The following ALG6 variants were observed in gnomAD, a reference collection of about 807,000 sequenced individuals.
The protein encoded by ALG6 is dolichyl pyrophosphate Man9GlcNAc2 alpha-1,3-glucosyltransferase.
In ALG6, 46 loss-of-function variants were observed where a neutral mutation model predicts 66.6. That is an observed-to-expected ratio of 0.69 (90% confidence interval 0.55 to 0.88). The LOEUF (loss-of-function observed/expected upper bound fraction) is 0.88, where lower values mean the gene tolerates loss of function less well. ALG6 is among the 40% of genes least tolerant of loss of function. The pLI, the probability that ALG6 is intolerant of heterozygous loss-of-function variation, is 0.00. For synonymous variants in ALG6, 185 were observed against 203.7 expected, an observed-to-expected ratio of 0.91 and a Z score of 0.78; for missense variants, 505 against 586.8, an observed-to-expected ratio of 0.86 and a Z score of 1.44.
chr1:63,391,087 G>C (rs992789806), intron 2 of ALG6, among the ~76,000 whole-genome samples: 6 of 152,168 alleles, frequency 3.9e-5, no homozygotes, highest in African/African-American at 1.4e-4. Context: ...TGCCTCCTCT[G>C]TCATAGTTTG....
chr1:63,401,584 T>TA (rs536462989), intron 3 of ALG6, among the ~76,000 whole-genome samples: 5,462 of 135,280 alleles, frequency 0.04, 215 homozygotes, highest in Admixed American at 0.16. Flanking sequence ...GAGAATCGCT[T>TA]AAAAAAAAAA....
chr1:63,372,508 C>CATAAA (rs1424300614), intron 2 of ALG6, among the ~76,000 whole-genome samples: 3 of 120,718 alleles, frequency 2.5e-5, no homozygotes, highest in African/African-American at 9.3e-5. Context: ...GTATTTTATG[C>CATAAA]ATACCTATAT....
intron 12 of ALG6, among the ~76,000 whole-genome samples, chr1:63,425,006 C>T (rs991144001): frequency 6.6e-6 from 1 of 152,036 alleles, no homozygotes. Context: ...TCTCGAACTC[C>T]TGACCTCAAG....
chr1:63,411,925 G>T lies in ALG6; in HGVS notation c.681-1G>T. The T allele has an allele frequency of 6.2e-7, 1 of 1,614,006 alleles. No homozygotes were observed. Among genetic ancestry groups the T allele is most frequent in the Admixed American group, 1.7e-5 (1 of 60,008 alleles). ...ACTGCCTACCTTTGTTTTTGTTTTA[G>T]GTTTGTGTTGCTAGTTAAGCTAGCT... On this transcript the variant is annotated splice_acceptor_variant, in intron 8 of 14. Transcript: ENST00000263440. LOFTEE classifies it high-confidence loss of function.
intron 2 of ALG6, among the ~76,000 whole-genome samples, chr1:63,374,105 A>G (rs1570030626): frequency 1.3e-5 from 2 of 152,192 alleles, no homozygotes; most frequent in East Asian, 3.9e-4. Flanking sequence ...CCAATAAATG[A>G]CAACTGGGAT....
chr1:63,390,459 C>T (rs2100399009), intron 2 of ALG6, among the ~76,000 whole-genome samples: 1 of 152,172 alleles, frequency 6.6e-6, no homozygotes, highest in East Asian at 1.9e-4. Context: ...GCCATACTGC[C>T]TGGGGTTGAG....
chr1:63,414,111 G>A lies in ALG6; in HGVS notation c.867G>A (p.Lys289=), dbSNP rs1267437688. 1.2e-6 allele frequency: 2 copies of A among 1,612,952 alleles called. No individual in the cohort carries two copies. The highest frequency in any genetic ancestry group is 2.7e-5 in the African/African-American group (2 of 74,840). ...GCTTCAATGTCTTTCTGAAGATTAAGGATATTTTGCCACGTCACATCCAAT... is the reference window on the plus strand; with the variant it reads ...GCTTCAATGTCTTTCTGAAGATTAAAGATATTTTGCCACGTCACATCCAAT... The part of the protein sequence containing the change: ...WCSFNVFLKI[K]DILPRHIQLI... The change falls in exon 10 of 15, where the codon AAG becomes AAA. Residue 289 remains lysine (K), a synonymous_variant. Transcript: ENST00000263440.
rs1429537471 is a variant in ALG6 at position 63,387,903 on chromosome 1, C to T, written c.83-8610C>T. Among the ~76,000 whole-genome samples, 8 of 151,942 alleles carry T rather than the reference C, an allele frequency of 5.3e-5. 1 individual carries two copies. The highest frequency in any genetic ancestry group is 5.3e-4 in the Admixed American group (8 of 15,226). On this transcript the variant is annotated intron_variant, in intron 2 of 14. Coordinates refer to ENST00000263440, the MANE Select transcript of ALG6 (RefSeq NM_013339.4). ...GTTTTGTCTGATGTAAGTATGGCTA[C>T]TCCTGCTCTTTTTGGTTTCCATTTG...
Position 63,438,482 on chromosome 1 carries a change from T to C in ALG6, c.*1462T>C, listed in dbSNP as rs1317588567. 8 of 152,204 alleles carry C rather than the reference T, an allele frequency of 5.3e-5. No individual in the cohort carries two copies. The highest frequency in any genetic ancestry group is 5.2e-4 in the Admixed American group (8 of 15,272). 9.4% of individuals were successfully genotyped at this position (152,204 alleles called of 1,614,324 possible). On this transcript the variant is annotated 3_prime_UTR_variant, in exon 15 of 15. Transcript: ENST00000263440. The stretch of plus-strand genomic sequence containing the variant: ...ACTTAGATAAATGATGAGGAAGTTA[T>C]AAATAATTGGAGTAGCATAACTTTA...
intron 12 of ALG6, among the ~76,000 whole-genome samples, chr1:63,422,466 T>C (rs1383728262): frequency 2.4e-5 from 3 of 126,382 alleles, no homozygotes; most frequent in African/African-American, 9.3e-5. Context: ...AATATAAATA[T>C]ATATATAAAT....
chr1:63,403,485 C>T (rs1644475428), intron 4 of ALG6, among the ~76,000 whole-genome samples: 1 of 152,144 alleles, frequency 6.6e-6, no homozygotes, highest in Admixed American at 6.5e-5. Context: ...AGTGGTATTC[C>T]ATCTTAGATT....
chr1:63,417,526 A>T (rs1235996720), intron 11 of ALG6, among the ~76,000 whole-genome samples: 1 of 152,166 alleles, frequency 6.6e-6, no homozygotes, highest in African/African-American at 2.4e-5. Flanking sequence ...AACATTTCCC[A>T]TTATAATTGT....
intron 2 of ALG6, among the ~76,000 whole-genome samples, chr1:63,395,789 A>C (rs1648807299): frequency 6.6e-6 from 1 of 152,182 alleles, no homozygotes; most frequent in South Asian, 2.1e-4. Flanking sequence ...GTAAAAATAA[A>C]CCTGGATATA....
intron 10 of ALG6, among the ~76,000 whole-genome samples, chr1:63,415,177 C>G (rs1319540825): frequency 2.6e-5 from 4 of 152,154 alleles, no homozygotes; most frequent in Non-Finnish European, 5.9e-5. Flanking sequence ...TTAGTTCAGC[C>G]TAGCCAAGTT....
At chr1:63,423,716 C>G (rs900265578) in intron 12 of ALG6, among the ~76,000 whole-genome samples, 1 of 152,178 alleles carries the variant, frequency 6.6e-6, no homozygotes, top group Non-Finnish European at 1.5e-5. Flanking sequence ...TATCGATACA[C>G]TACATTTTGT....
chr1:63,422,085 AAAT>A, intron 12 of ALG6, among the ~76,000 whole-genome samples: 1 of 119,514 alleles, frequency 8.4e-6, no homozygotes, highest in South Asian at 2.5e-4. Flanking sequence ...CTATATAAAT[AAAT>A]ATATAAATAT....
At chr1:63,403,716 C>CCTAGG (rs1165111375) in intron 4 of ALG6, among the ~76,000 whole-genome samples, 1 of 152,008 alleles carries the variant, frequency 6.6e-6, no homozygotes, top group Non-Finnish European at 1.5e-5. Flanking sequence ...GCCTATTGTT[C>CCTAGG]CTAGGCTACA....
At chr1:63,369,629 CA>C (rs928179648) in intron 1 of ALG6, among the ~76,000 whole-genome samples, 7 of 139,804 alleles carry the variant, frequency 5.0e-5, no homozygotes, top group African/African-American at 1.6e-4. Flanking sequence ...AGCTCCATCT[CA>C]AAAAAAAAGA....
chr1:63,409,875 C>T (rs1423675183), intron 7 of ALG6, among the ~76,000 whole-genome samples: 4 of 152,146 alleles, frequency 2.6e-5, no homozygotes, highest in African/African-American at 7.2e-5. Context: ...GTGCTAACCT[C>T]TACACTGGAT....
Sources: gnomAD v4.1 joint callset for allele counts (sites outside exome capture counted in the v4.1 genomes callset) on GRCh38, gnomAD v4.1.1 for gene constraint, MANE v1.5 for transcripts, NCBI Gene and HGNC (gene_info 2026-07-23, HGNC 2026-07-21) for gene names.